LHFPL3: variants seen among roughly 807,000 people sequenced by gnomAD.
LHFPL3 encodes LHFPL tetraspan subfamily member 3 protein.
LHFPL3 carries 5 observed loss-of-function variants against 19.3 expected under a neutral mutation model. That is an observed-to-expected ratio of 0.26 (90% confidence interval 0.14 to 0.54). The LOEUF is 0.54. Ranked by LOEUF, LHFPL3 falls within the 20% of genes least tolerant of loss-of-function variation. The probability of loss-of-function intolerance (pLI) is 0.94; values close to 1 mark genes in which losing one functional copy is unlikely to be tolerated. For missense variants in LHFPL3, 249 were observed against 307.4 expected (o/e 0.81, Z 1.42); for synonymous variants, 133 against 126.2 (o/e 1.05, Z -0.36).
intron 1 of LHFPL3, among the ~76,000 whole-genome samples, chr7:104,728,663 A>T (rs1477329744): frequency 6.6e-6 from 1 of 152,082 alleles, no homozygotes; most frequent in Non-Finnish European, 1.5e-5. Context: ...TTTATTTTCT[A>T]TCTGAGCCTT....
At chr7:104,605,616 T>G (rs1791079892) in intron 1 of LHFPL3, among the ~76,000 whole-genome samples, 1 of 152,204 alleles carries the variant, frequency 6.6e-6, no homozygotes, top group South Asian at 2.1e-4. Flanking sequence ...TCTGACTTGA[T>G]AAAGCCATCT....
chr7:104,348,199 A>G (rs1038668201), intron 1 of LHFPL3, among the ~76,000 whole-genome samples: 3 of 152,206 alleles, frequency 2.0e-5, no homozygotes, highest in Non-Finnish European at 4.4e-5. Flanking sequence ...ATCCTGGCCA[A>G]CGTGGTGAAA....
At chr7:104,743,542 G>A (rs1793976040) in intron 2 of LHFPL3, among the ~76,000 whole-genome samples, 1 of 152,150 alleles carries the variant, frequency 6.6e-6, no homozygotes. Flanking sequence ...ATTTGAGAGA[G>A]TCCAACAAAA....
chr7:104,557,835 C>G (rs1157694079), intron 1 of LHFPL3, among the ~76,000 whole-genome samples: 5 of 150,030 alleles, frequency 3.3e-5, no homozygotes, highest in Admixed American at 2.0e-4. Flanking sequence ...CCACTCCCCC[C>G]ACCCCACCAC....
intron 1 of LHFPL3, among the ~76,000 whole-genome samples, chr7:104,509,589 C>T (rs757786543): frequency 2.6e-5 from 4 of 151,624 alleles, no homozygotes; most frequent in African/African-American, 4.8e-5. Flanking sequence ...ACTTTCTCAA[C>T]GTGATAAAAA....
intron 1 of LHFPL3, chr7:104,668,153 G>T: frequency 1.2e-6 from 2 of 1,614,086 alleles, no homozygotes; most frequent in Admixed American, 1.7e-5. Flanking sequence ...ATCCAGAGAG[G>T]CTGAAAGGTT....
chr7:104,797,419 A>G (rs2470959), intron 2 of LHFPL3, among the ~76,000 whole-genome samples: 97,942 of 151,932 alleles, frequency 0.64, 31,881 homozygotes, highest in Middle Eastern at 0.7. Flanking sequence ...CTCCTTAGCT[A>G]TCTTTAGTTC....
chr7:104,847,560 G>C (rs1252018331), intron 2 of LHFPL3, among the ~76,000 whole-genome samples: 1 of 152,116 alleles, frequency 6.6e-6, no homozygotes, highest in Non-Finnish European at 1.5e-5. Context: ...GCCCAGACTG[G>C]AGTGCAGTGG....
At chr7:104,420,846 G>C (rs1791718622) in intron 1 of LHFPL3, among the ~76,000 whole-genome samples, 1 of 152,206 alleles carries the variant, frequency 6.6e-6, no homozygotes, top group Non-Finnish European at 1.5e-5. Context: ...ACAGGCGTGA[G>C]CCACCGCGCC....
chr7:104,743,843 C>CT (rs532727485), intron 2 of LHFPL3, among the ~76,000 whole-genome samples: 34 of 151,434 alleles, frequency 2.2e-4, no homozygotes, highest in Admixed American at 7.2e-4. Context: ...TTCTTTTTTC[C>CT]TTTTTTTTGA....
chr7:104,875,621 C>T (rs1452619356), intron 2 of LHFPL3, among the ~76,000 whole-genome samples: 1 of 152,174 alleles, frequency 6.6e-6, no homozygotes, highest in African/African-American at 2.4e-5. Context: ...GTTTTAGTTG[C>T]TACTAGCAGA....
intron 2 of LHFPL3, among the ~76,000 whole-genome samples, chr7:104,793,804 G>A (rs1790068151): frequency 2.0e-5 from 3 of 152,150 alleles, no homozygotes; most frequent in Admixed American, 1.3e-4. Flanking sequence ...TTTGAAACTC[G>A]AACTCTTGTG....
At chr7:104,547,415 G>C (rs1360245969) in intron 1 of LHFPL3, among the ~76,000 whole-genome samples, 2 of 152,048 alleles carry the variant, frequency 1.3e-5, no homozygotes, top group African/African-American at 4.8e-5. Context: ...TTTTTCAGTA[G>C]AGCAGTATAT....
At chr7:104,374,085 G>A (rs1293586626) in intron 1 of LHFPL3, among the ~76,000 whole-genome samples, 2 of 152,066 alleles carry the variant, frequency 1.3e-5, no homozygotes, top group Admixed American at 1.3e-4. Flanking sequence ...AGACCCCTTA[G>A]ATAGGAATTT....
intron 1 of LHFPL3, among the ~76,000 whole-genome samples, chr7:104,382,854 C>T (rs745930812): frequency 3.3e-5 from 5 of 152,224 alleles, no homozygotes; most frequent in Non-Finnish European, 7.3e-5. Context: ...TATGATTAGT[C>T]AGCAGGTTAC....
rs542561570 is a variant in LHFPL3, at chr7:104,480,458, A to G, written c.445+151234A>G. On this transcript the variant is annotated intron_variant, in intron 1 of 2. Transcript: ENST00000424859. ...GAAAATCATAGAGAAAATTCCCTGT[A>G]TTTGGAATAGAAAAGAGAATAAACA... 4.6e-5 allele frequency among the ~76,000 whole-genome samples: 7 copies of G among 152,272 alleles called. 1 individual carries two copies. In the South Asian group the frequency reaches 1.5e-3, roughly 32 times the overall value.
At chr7:104,575,954 G>T (rs1790330169) in intron 1 of LHFPL3, among the ~76,000 whole-genome samples, 1 of 152,118 alleles carries the variant, frequency 6.6e-6, no homozygotes, top group Non-Finnish European at 1.5e-5. Context: ...AATTTGTCTT[G>T]TATTCCTAGC....
chr7:104,394,865 T>A (rs903907818), intron 1 of LHFPL3, among the ~76,000 whole-genome samples: 1 of 152,042 alleles, frequency 6.6e-6, no homozygotes, highest in African/African-American at 2.4e-5. Context: ...CGCGTCAGGA[T>A]AATTTTTGTA....
intron 1 of LHFPL3, among the ~76,000 whole-genome samples, chr7:104,680,766 C>A (rs1004675846): frequency 2.6e-5 from 4 of 151,772 alleles, no homozygotes; most frequent in African/African-American, 9.7e-5. Flanking sequence ...AGAACCAGGA[C>A]AAAACAAACA....
Sources: allele counts gnomAD v4.1 joint callset (sites outside exome capture counted in the v4.1 genomes callset), GRCh38; gene constraint gnomAD v4.1.1; transcripts MANE v1.5; gene names NCBI Gene and HGNC (gene_info 2026-07-23, HGNC 2026-07-21).